Variants in BRAF observed in about 807,000 individuals in gnomAD.
BRAF encodes serine/threonine-protein kinase B-raf.
A neutral mutation model predicts 104.6 loss-of-function variants in BRAF; 16 were observed. The ratio of observed to expected loss-of-function variants is 0.15; its 90% confidence interval spans 0.10 to 0.23. The LOEUF is 0.23. Ranked by LOEUF, BRAF falls within the 10% of genes least tolerant of loss-of-function variation. The pLI is 1.00. For synonymous variants in BRAF, 310 were observed against 341.6 expected (o/e 0.91, Z 1.02); for missense variants, 541 against 937.3 (o/e 0.58, Z 5.52).
chr7:140,820,200 A>T (rs1805326465), intron 3 of BRAF, among the ~76,000 whole-genome samples: 1 of 152,222 alleles, frequency 6.6e-6, no homozygotes, highest in African/African-American at 2.4e-5. Context: ...TAATACTTTT[A>T]AAAATCTGTT....
At chr7:140,732,044 G>A (rs1365958385) in intron 19 of BRAF, 6 of 147,478 alleles carry the variant, frequency 4.1e-5, no homozygotes, top group African/African-American at 9.8e-5. Context: ...AGTGGCGGGC[G>A]CCTGTAGTCC....
chr7:140,858,138 C>T (rs577518546), intron 1 of BRAF, among the ~76,000 whole-genome samples: 3 of 152,226 alleles, frequency 2.0e-5, no homozygotes, highest in Admixed American at 2.0e-4. Flanking sequence ...AGGATACTTA[C>T]ATAGTGCCAA....
At chr7:140,865,206 A>G (rs1164510561) in intron 1 of BRAF, among the ~76,000 whole-genome samples, 1 of 152,006 alleles carries the variant, frequency 6.6e-6, no homozygotes, top group African/African-American at 2.4e-5. Flanking sequence ...CAGCCTCCCA[A>G]GTAGCTGAGA....
At chr7:140,787,744 C>A (rs1478280833) in intron 8 of BRAF, among the ~76,000 whole-genome samples, 160 bp from the exon 9 acceptor site, 4 of 152,090 alleles carry the variant, frequency 2.6e-5, no homozygotes, top group Non-Finnish European at 4.4e-5. Flanking sequence ...ATCTAGTGAA[C>A]ATAATACAAT....
rs139801316 is a variant in BRAF at position 140,720,864 on chromosome 7, C to CCT, written c.*5629_*5630insAG. ...CTTCATCAAAACCCCCAATCCCACC[C>CCT]GTCAACAGACCCTTCCTTTGCGGCA... On this transcript the variant is annotated 3_prime_UTR_variant, in exon 20 of 20. Transcript: ENST00000644969. The CCT allele has an allele frequency of 2.9e-3, 3,110 of 1,066,178 alleles. 77 individuals carry two copies. In the African/African-American group the frequency reaches 0.045, roughly 16 times the overall value. The allele number at this position is 1,066,178 out of a possible 1,614,324, so 66.0% of individuals were successfully genotyped here.
intron 1 of BRAF, among the ~76,000 whole-genome samples, chr7:140,921,548 G>C (rs981331445): frequency 6.6e-6 from 1 of 151,912 alleles, no homozygotes; most frequent in Non-Finnish European, 1.5e-5. Context: ...ATAAATCACA[G>C]TATGTCTAAT....
At chr7:140,881,202 T>A (rs1023437770) in intron 1 of BRAF, among the ~76,000 whole-genome samples, 2 of 152,114 alleles carry the variant, frequency 1.3e-5, no homozygotes, top group African/African-American at 4.8e-5. Flanking sequence ...CAGAGTAAAT[T>A]TTGCAGAATT....
chr7:140,775,260 G>A (rs1800226000), intron 14 of BRAF, among the ~76,000 whole-genome samples: 1 of 152,164 alleles, frequency 6.6e-6, no homozygotes, highest in Non-Finnish European at 1.5e-5. Context: ...ATTGCAAAGA[G>A]ACCAGTGGTG....
chr7:140,776,449 G>C (rs1419250432), intron 14 of BRAF, among the ~76,000 whole-genome samples: 1 of 152,158 alleles, frequency 6.6e-6, no homozygotes, highest in Non-Finnish European at 1.5e-5. Context: ...TCAACAGATA[G>C]GAACTCACTC....
At chr7:140,904,176 TGAAAA>T (rs901155906) in intron 1 of BRAF, among the ~76,000 whole-genome samples, 1 of 152,202 alleles carries the variant, frequency 6.6e-6, no homozygotes, top group African/African-American at 2.4e-5. Flanking sequence ...AAATCTTTTG[TGAAAA>T]GAAGTCAACT....
At chr7:140,852,055 T>A (rs1170783931) in intron 1 of BRAF, among the ~76,000 whole-genome samples, 1 of 152,184 alleles carries the variant, frequency 6.6e-6, no homozygotes, top group East Asian at 1.9e-4. Context: ...AGCAGCAGCA[T>A]CTTCTGAAAG....
At chr7:140,910,193 C>T (rs1296909149) in intron 1 of BRAF, among the ~76,000 whole-genome samples, 1 of 152,188 alleles carries the variant, frequency 6.6e-6, no homozygotes, top group Non-Finnish European at 1.5e-5. Flanking sequence ...TTATTTCATA[C>T]AATTTGCTCA....
intron 7 of BRAF, chr7:140,799,896 TCAAAATGA>T: frequency 3.3e-6 from 1 of 300,646 alleles, no homozygotes; most frequent in South Asian, 6.4e-5. Flanking sequence ...AGGTGTAGAC[TCAAAATGA>T]TCTGTTGCAT....
chr7:140,723,855 GT>G lies in BRAF; in HGVS notation c.*2638del. On this transcript the variant is annotated 3_prime_UTR_variant, in exon 20 of 20. Coordinates refer to ENST00000644969, the MANE Select transcript of BRAF (RefSeq NM_001374258.1). ...TTTCACAAATAAGGACTTCTTCCTC[GT>G]TTTTTTAGGAGCTCAGTAAGTCTAA... 11 of 1,045,244 alleles carry G rather than the reference GT, an allele frequency of 1.1e-5. No homozygotes were observed. Among genetic ancestry groups the G allele is most frequent in the Non-Finnish European group, 1.2e-5 (10 of 866,748 alleles). 64.7% of individuals were successfully genotyped at this position (1,045,244 alleles called of 1,614,324 possible).
intron 1 of BRAF, among the ~76,000 whole-genome samples, chr7:140,876,851 A>T (rs1812318870): frequency 2.0e-5 from 3 of 152,152 alleles, no homozygotes; most frequent in Non-Finnish European, 2.9e-5. Flanking sequence ...GTTCTTGTCA[A>T]ATGCACATGG....
In BRAF at chr7:140,722,052, C is replaced by G; in HGVS notation, c.*4442G>C. 9.0e-7 allele frequency: 1 copy of G among 1,106,358 alleles called. No individual in the cohort carries two copies. Among genetic ancestry groups the G allele is most frequent in the Non-Finnish European group, 1.1e-6 (1 of 907,446 alleles). 68.5% of individuals were successfully genotyped at this position (1,106,358 alleles called of 1,614,324 possible). On this transcript the variant is annotated 3_prime_UTR_variant, in exon 20 of 20. Transcript: ENST00000644969. ...GCTGCCCATCATACAGTACTTCAAC[C>G]CTAAACTACAGCAATTTCTGTCAAC... is the stretch of plus-strand genomic sequence containing the variant.
At chr7:140,769,767 G>A (rs1383099026) in intron 14 of BRAF, among the ~76,000 whole-genome samples, 2 of 151,966 alleles carry the variant, frequency 1.3e-5, no homozygotes, top group South Asian at 4.1e-4. Context: ...TAGAGTCAGG[G>A]TCGCACAGTG....
downstream of BRAF, among the ~76,000 whole-genome samples, chr7:140,714,556 A>T (rs139616648): frequency 2.1e-3 from 316 of 152,134 alleles, 2 homozygotes; most frequent in Middle Eastern, 0.044. Context: ...GTTGACAGAG[A>T]GTCTGTGTTG....
At chr7:140,888,055 A>G (rs1219448613) in intron 1 of BRAF, among the ~76,000 whole-genome samples, 1 of 151,928 alleles carries the variant, frequency 6.6e-6, no homozygotes, top group Non-Finnish European at 1.5e-5. Flanking sequence ...TGCGTTTTTA[A>G]TAGAGACGGG....
Sources: gnomAD v4.1 joint callset for allele counts (sites outside exome capture counted in the v4.1 genomes callset) on GRCh38, gnomAD v4.1.1 for gene constraint, MANE v1.5 for transcripts, NCBI Gene and HGNC (gene_info 2026-07-23, HGNC 2026-07-21) for gene names.